The following RAB39A variants were observed in gnomAD, a reference collection of about 807,000 sequenced individuals.
RAB39A encodes the protein RAB39A, member RAS oncogene family, also known as ras-related protein Rab-39A.
RAB39A carries 17 observed loss-of-function variants against 20.9 expected under a neutral mutation model. The observed-to-expected ratio is 0.81, with a 90% CI of 0.56 to 1.22. The LOEUF is 1.22. Among genes scored for constraint, RAB39A ranks in the 50% most tolerant of loss-of-function variants. The probability of loss-of-function intolerance (pLI) is 0.00; values close to 1 mark genes in which losing one functional copy is unlikely to be tolerated. For missense variants in RAB39A, 234 were observed against 270.5 expected (o/e 0.87, Z 0.95); for synonymous variants, 99 against 103.4 (o/e 0.96, Z 0.26).
At chr11:107,941,906 C>G (rs1296533573) in intron 1 of RAB39A, among the ~76,000 whole-genome samples, 3 of 151,970 alleles carry the variant, frequency 2.0e-5, no homozygotes, top group Admixed American at 6.6e-5. Context: ...GGAGACCAGC[C>G]TGGCCAACAT....
intron 1 of RAB39A, among the ~76,000 whole-genome samples, chr11:107,952,078 TAGAG>T (rs918494388): frequency 5.9e-5 from 9 of 151,986 alleles, no homozygotes; most frequent in South Asian, 2.1e-4. Context: ...GAAAAATAAT[TAGAG>T]AGGAAAATCA....
rs750755331 is a variant in RAB39A at position 107,928,661 on chromosome 11, CCGCTTCCCCGGGCTG to C, written c.98_112del (p.Phe33_Arg37del). 1.9e-6 allele frequency: 3 copies of C among 1,612,688 alleles called. No individual in the cohort carries two copies. In the East Asian group the frequency reaches 6.7e-5, roughly 36 times the overall value. ...GCCTCCTGCACCGCTTCACCCAGGG[CCGCTTCCCCGGGCTG>C]CGCTCCCCCGCCTGCGACCCCACCG... On this transcript the variant is annotated inframe_deletion, in exon 1 of 2. Coordinates refer to ENST00000320578, the MANE Select transcript of RAB39A (RefSeq NM_017516.3). This position sits in a 1 kb window ranked among gnomAD's most constrained non-coding sequence, Gnocchi z 4.9.
intron 1 of RAB39A, among the ~76,000 whole-genome samples, chr11:107,945,646 A>G (rs1861300630): frequency 6.6e-6 from 1 of 152,184 alleles, no homozygotes; most frequent in Non-Finnish European, 1.5e-5. Context: ...GACACCAGAT[A>G]CTTCTGGAAG....
In RAB39A at chr11:107,928,685, C is replaced by A; in HGVS notation, c.117C>A (p.Pro39=). 6 of 1,612,068 alleles carry A rather than the reference C, an allele frequency of 3.7e-6. No individual in the cohort carries two copies. Among genetic ancestry groups the A allele is most frequent in the Non-Finnish European group, 5.1e-6 (6 of 1,179,006 alleles). ...TQGRFPGLRS[P]ACDPTVGVDF... ...GCCGCTTCCCCGGGCTGCGCTCCCC[C>A]GCCTGCGACCCCACCGTCGGCGTGG... Residue 39 remains proline, a synonymous_variant, in exon 1 of 2, where the codon CCC becomes CCA. Coordinates refer to ENST00000320578, the MANE Select transcript of RAB39A (RefSeq NM_017516.3). This position sits in a 1 kb window ranked among gnomAD's most constrained non-coding sequence, Gnocchi z 4.9.
In RAB39A at chr11:107,928,602, A is replaced by G. The variant is rs768073820; in HGVS notation, c.34A>G (p.Ile12Val). 8 of 1,589,880 alleles carry G rather than the reference A, an allele frequency of 5.0e-6. No homozygotes were observed. The highest frequency in any genetic ancestry group is 6.0e-6 in the Non-Finnish European group (7 of 1,162,452). The change falls in exon 1 of 2, where the codon ATC (isoleucine) becomes GTC (valine). Residue 12 changes from isoleucine to valine, a missense_variant. Ile to Val is a conservative substitution (Grantham distance 29). Coordinates refer to ENST00000320578, the MANE Select transcript of RAB39A (RefSeq NM_017516.3). This position sits in a 1 kb window ranked among gnomAD's most constrained non-coding sequence, Gnocchi z 4.9. ...ETIWIYQFRL[I>V]VIGDSTVGKS... Reference sequence around the variant, plus strand: ...CATCTGGATCTACCAGTTCCGCCTCATCGTGATCGGGGACTCCACCGTGGG... The same window carrying G: ...CATCTGGATCTACCAGTTCCGCCTCGTCGTGATCGGGGACTCCACCGTGGG...
At chr11:107,955,860 A>T (rs969072623) in intron 1 of RAB39A, among the ~76,000 whole-genome samples, 9 of 152,184 alleles carry the variant, frequency 5.9e-5, no homozygotes, top group African/African-American at 1.9e-4. Flanking sequence ...TAAAAATTTT[A>T]AAAAATGAAA....
chr11:107,934,888 C>T (rs1016100145), intron 1 of RAB39A, among the ~76,000 whole-genome samples: 1 of 146,964 alleles, frequency 6.8e-6, no homozygotes, highest in African/African-American at 2.5e-5. Context: ...GAGATTACAC[C>T]ATTTCACTCC....
intron 1 of RAB39A, among the ~76,000 whole-genome samples, chr11:107,934,298 G>T (rs1016500504): frequency 6.6e-6 from 1 of 152,070 alleles, no homozygotes; most frequent in East Asian, 1.9e-4. Flanking sequence ...GCTGGGCATG[G>T]TGGCATGGAC....
At chr11:107,933,264 A>C (rs796466688) in intron 1 of RAB39A, among the ~76,000 whole-genome samples, 7 of 149,578 alleles carry the variant, frequency 4.7e-5, no homozygotes, top group African/African-American at 1.7e-4. Context: ...CAGTGCTGTC[A>C]AGGAGTGCTC....
Position 107,928,509 on chromosome 11 carries a change from C to G in RAB39A, c.-60C>G. 7.6e-7 allele frequency: 1 copy of G among 1,317,748 alleles called. No homozygotes were observed. Among genetic ancestry groups the G allele is most frequent in the Non-Finnish European group, 1.0e-6 (1 of 994,866 alleles). The allele number at this position is 1,317,748 out of a possible 1,614,324, so 81.6% of individuals were successfully genotyped here. A position where few individuals can be genotyped will look rare whatever the true frequency, so the allele number is the denominator to read the frequency against. ...CCCGCGAGGTGCTGAAAGGACAGTT[C>G]CCGCCGCCGAACTTAGCCCGCGGGT... On this transcript the variant is annotated 5_prime_UTR_variant, in exon 1 of 2. Coordinates refer to ENST00000320578, the MANE Select transcript of RAB39A (RefSeq NM_017516.3). This position sits in a 1 kb window ranked among gnomAD's most constrained non-coding sequence, Gnocchi z 4.9.
chr11:107,959,380 T>A (rs533579185), intron 1 of RAB39A, among the ~76,000 whole-genome samples: 49 of 152,154 alleles, frequency 3.2e-4, no homozygotes, highest in African/African-American at 1.2e-3. Flanking sequence ...AATTCACACA[T>A]ATAAAGATGA....
At chr11:107,944,670 C>T (rs943833769) in intron 1 of RAB39A, among the ~76,000 whole-genome samples, 3 of 152,002 alleles carry the variant, frequency 2.0e-5, no homozygotes, top group African/African-American at 7.3e-5. Context: ...TAGCCGTGAG[C>T]CACCGCGCCA....
At chr11:107,947,807 C>CAAAAAAAAAAAAAAAAAAAAAGAA (rs1861333677) in intron 1 of RAB39A, among the ~76,000 whole-genome samples, 1 of 80,224 alleles carries the variant, frequency 1.2e-5, no homozygotes, top group African/African-American at 5.0e-5. Context: ...CATCAACAGG[C>CAAAAAAAAAAAAAAAAAAAAAGAA]AAAAAAAAAA....
chr11:107,940,940 TC>T (rs1861252350), intron 1 of RAB39A, among the ~76,000 whole-genome samples: 1 of 151,764 alleles, frequency 6.6e-6, no homozygotes, highest in Non-Finnish European at 1.5e-5. Context: ...GCCACTGCCT[TC>T]CAGCCAAGCG....
intron 1 of RAB39A, among the ~76,000 whole-genome samples, chr11:107,950,351 A>G (rs374355828): frequency 5.3e-5 from 8 of 152,302 alleles, no homozygotes; most frequent in African/African-American, 1.9e-4. Context: ...CAGCATTTGA[A>G]TGCTGCCTGG....
At chr11:107,947,807 C>CAAAAAA (rs35694249) in intron 1 of RAB39A, among the ~76,000 whole-genome samples, 15 of 80,212 alleles carry the variant, frequency 1.9e-4, no homozygotes, top group East Asian at 4.8e-4. Context: ...CATCAACAGG[C>CAAAAAA]AAAAAAAAAA....
intron 1 of RAB39A, among the ~76,000 whole-genome samples, chr11:107,930,572 A>C (rs1216293633): frequency 6.6e-6 from 1 of 152,204 alleles, no homozygotes; most frequent in Admixed American, 6.5e-5. Flanking sequence ...AAGTAGCTCA[A>C]CTTGGCTGGG....
chr11:107,950,620 A>G (rs1434806420), intron 1 of RAB39A, among the ~76,000 whole-genome samples: 7 of 152,066 alleles, frequency 4.6e-5, no homozygotes, highest in Admixed American at 3.3e-4. Flanking sequence ...TACAAAACTT[A>G]GCTAGGCAAG....
chr11:107,949,238 G>A (rs1367250043), intron 1 of RAB39A, among the ~76,000 whole-genome samples: 1 of 152,062 alleles, frequency 6.6e-6, no homozygotes, highest in African/African-American at 2.4e-5. Flanking sequence ...TTGAACCTGG[G>A]AGGTGGAGGT....
Sources: allele counts gnomAD v4.1 joint callset (sites outside exome capture counted in the v4.1 genomes callset), GRCh38; gene constraint gnomAD v4.1.1; non-coding constraint Gnocchi (gnomAD v3.1); transcripts MANE v1.5; gene names NCBI Gene and HGNC (gene_info 2026-07-23, HGNC 2026-07-21).